RTN3: variants seen among roughly 807,000 people sequenced by gnomAD.
RTN3 encodes the protein reticulon 3.
In RTN3, 49 loss-of-function variants were observed where a neutral mutation model predicts 77.8. That is an observed-to-expected ratio of 0.63 (90% confidence interval 0.50 to 0.80). RTN3 has a LOEUF of 0.80. RTN3 is among the 30% of genes least tolerant of loss of function. The probability of loss-of-function intolerance (pLI) is 0.00; values close to 1 mark genes in which losing one functional copy is unlikely to be tolerated. For synonymous variants in RTN3, 464 were observed against 446.9 expected (o/e 1.04, Z -0.48); for missense variants, 1,236 against 1,211.9 (o/e 1.02, Z -0.29).
At chr11:63,694,182 T>G (rs1304171338) in intron 1 of RTN3, among the ~76,000 whole-genome samples, 1 of 152,002 alleles carries the variant, frequency 6.6e-6, no homozygotes. Context: ...AATTATGGTT[T>G]TTTTTTTTTC....
intron 3 of RTN3, among the ~76,000 whole-genome samples, chr11:63,735,551 T>TCTCTCTCTCTCG (rs2013039631): frequency 4.1e-5 from 2 of 48,268 alleles, no homozygotes; most frequent in Non-Finnish European, 8.0e-5. Flanking sequence ...TTCTAACATT[T>TCTCTCTCTCTCG]CTCTCTCTCT....
At chr11:63,745,759 T>A (rs2013758094) in intron 3 of RTN3, among the ~76,000 whole-genome samples, 2 of 152,152 alleles carry the variant, frequency 1.3e-5, no homozygotes, top group Non-Finnish European at 2.9e-5. Flanking sequence ...TCTTATGAGT[T>A]TTCCAGCAGA....
chr11:63,722,885 A>G (rs1489108649), intron 3 of RTN3, among the ~76,000 whole-genome samples: 1 of 152,156 alleles, frequency 6.6e-6, no homozygotes, highest in Non-Finnish European at 1.5e-5. Flanking sequence ...TTTCTTCCTC[A>G]GTTGTCATAA....
intron 2 of RTN3, among the ~76,000 whole-genome samples, chr11:63,708,084 G>T (rs775533598): frequency 8.6e-5 from 13 of 152,040 alleles, no homozygotes; most frequent in Non-Finnish European, 1.6e-4. Context: ...TAAAAATAAG[G>T]GAAGAGGAAG....
At chr11:63,739,791 A>T (rs2013351037) in intron 3 of RTN3, among the ~76,000 whole-genome samples, 1 of 152,230 alleles carries the variant, frequency 6.6e-6, no homozygotes, top group Non-Finnish European at 1.5e-5. Context: ...AAGACTCTTA[A>T]TCAAAAGACT....
At chr11:63,682,089 T>C (rs1485086605) in intron 1 of RTN3, among the ~76,000 whole-genome samples, 4 of 152,272 alleles carry the variant, frequency 2.6e-5, no homozygotes, top group African/African-American at 9.6e-5. Context: ...AGTTGCTCGA[T>C]GCATATGGTG....
intron 3 of RTN3, among the ~76,000 whole-genome samples, chr11:63,726,766 C>T (rs1485333542): frequency 6.6e-6 from 1 of 150,794 alleles, no homozygotes; most frequent in East Asian, 1.9e-4. Context: ...GTGGCTGAGG[C>T]AGGAGAATCG....
At chr11:63,697,424 G>A (rs1310972921) in intron 1 of RTN3, among the ~76,000 whole-genome samples, 6 of 151,560 alleles carry the variant, frequency 4.0e-5, no homozygotes, top group Non-Finnish European at 8.8e-5. Flanking sequence ...TCCTGCCTCA[G>A]CCTCCCAAGT....
intron 1 of RTN3, among the ~76,000 whole-genome samples, chr11:63,697,552 T>C (rs1425959440): frequency 6.6e-6 from 1 of 152,068 alleles, no homozygotes; most frequent in African/African-American, 2.4e-5. Flanking sequence ...ACTGGCTCAC[T>C]GCAACCTCTG....
In RTN3 at chr11:63,696,534, C is replaced by G. The variant is rs1013236077; in HGVS notation, c.143-8317C>G. On this transcript the variant is annotated intron_variant, in intron 1 of 8. Transcript: ENST00000377819. ...ACCAGCTTGGATAACATAGTGGGGCCCTGTCACTATTTTTTTTTTTTTTTT... is the reference window on the plus strand; with the variant it reads ...ACCAGCTTGGATAACATAGTGGGGCGCTGTCACTATTTTTTTTTTTTTTTT... Among the ~76,000 whole-genome samples the G allele has an allele frequency of 2.7e-5, 4 of 146,246 alleles. No individual in the cohort carries two copies. In the Admixed American group the frequency reaches 2.9e-4, roughly 11 times the overall value.
intron 1 of RTN3, among the ~76,000 whole-genome samples, chr11:63,689,847 C>A (rs971948386): frequency 2.6e-5 from 4 of 151,694 alleles, no homozygotes; most frequent in African/African-American, 9.7e-5. Flanking sequence ...AACCTCCGCC[C>A]CCCGGGTTCA....
At chr11:63,688,001 A>C (rs1202985050) in intron 1 of RTN3, among the ~76,000 whole-genome samples, 1 of 152,178 alleles carries the variant, frequency 6.6e-6, no homozygotes, top group East Asian at 1.9e-4. Flanking sequence ...AAAGAGGTAG[A>C]GGGAGGAGTC....
At chr11:63,757,631 TTACA>T (rs2135073783) in intron 8 of RTN3, among the ~76,000 whole-genome samples, 1 of 152,324 alleles carries the variant, frequency 6.6e-6, no homozygotes. Flanking sequence ...AGTGCTGAGA[TTACA>T]GGCATGAGCC....
intron 1 of RTN3, among the ~76,000 whole-genome samples, chr11:63,693,360 GTA>G (rs1302834698): frequency 1.3e-5 from 2 of 151,970 alleles, no homozygotes; most frequent in African/African-American, 4.8e-5. Context: ...GCACATGCCT[GTA>G]ATCCCAGCTA....
chr11:63,721,531 C>T (rs113272515), intron 3 of RTN3, among the ~76,000 whole-genome samples: 1,668 of 148,780 alleles, frequency 0.011, 33 homozygotes, highest in African/African-American at 0.038. Flanking sequence ...GATGAGATCG[C>T]GCCAGTACAC....
At position 63,719,493 on chromosome 11, in the gene RTN3, G is replaced by T. The variant is rs759892203; in HGVS notation, c.991G>T (p.Asp331Tyr). ...ALEEVSRCVN[D>Y]MHNFTNEILT... ...GGAAGAGGTGTCCAGATGCGTGAATGATATGCATAACTTTACTAACGAAAT... is the reference window on the plus strand; with the variant it reads ...GGAAGAGGTGTCCAGATGCGTGAATTATATGCATAACTTTACTAACGAAAT... The change falls in exon 3 of 9, where the codon GAT becomes TAT. Residue 331 changes from aspartate to tyrosine, a missense_variant. This residue lies in a region of RTN3 where 1,056 missense variants were observed against 990.4 expected (regional missense o/e 1.07). Transcript: ENST00000377819. 6.2e-7 allele frequency: 1 copy of T among 1,614,190 alleles called. No individual in the cohort carries two copies. The highest frequency in any genetic ancestry group is 8.5e-7 in the Non-Finnish European group (1 of 1,180,022).
intron 2 of RTN3, chr11:63,714,038 C>T (rs113783446): frequency 1.9e-6 from 1 of 518,604 alleles, no homozygotes. Context: ...CTTTGCTTAT[C>T]GGAGCTGTTC....
rs1941040806 is a variant in RTN3 at position 63,681,607 on chromosome 11, C to G, written c.-30C>G. On this transcript the variant is annotated 5_prime_UTR_variant, in exon 1 of 9. Coordinates refer to ENST00000377819, the MANE Select transcript of RTN3 (RefSeq NM_001265589.2). ...CTCTCTCCCGCCCCGTATCTCTTTT[C>G]ACCCTTCTCCCACCCTCGCTCGCGT... 6.4e-7 allele frequency: 1 copy of G among 1,566,986 alleles called. No individual in the cohort carries two copies. Among genetic ancestry groups the G allele is most frequent in the African/African-American group, 1.4e-5 (1 of 72,396 alleles).
In RTN3 at chr11:63,718,993, A is replaced by G; in HGVS notation, c.491A>G (p.Glu164Gly). 1.2e-6 allele frequency: 2 copies of G among 1,614,176 alleles called. No homozygotes were observed. The highest frequency in any genetic ancestry group is 4.5e-5 in the East Asian group (2 of 44,870). ...CCTTCTATTCCAGCCAGTTTCCCAGAGCATCCTGCTTTTCTCTCAAAGAAA... is the reference window on the plus strand; with the variant it reads ...CCTTCTATTCCAGCCAGTTTCCCAGGGCATCCTGCTTTTCTCTCAAAGAAA... ...DRPSIPASFP[E>G]HPAFLSKKIG... is the part of the protein sequence containing the mutation. The change falls in exon 3 of 9, where the codon GAG (glutamate) becomes GGG (glycine). Residue 164 changes from glutamate to glycine, a missense_variant. Glu to Gly is a moderately conservative substitution (Grantham distance 98). Around this residue, in one of 3 missense-constraint regions of RTN3, gnomAD observed 1,056 missense variants for 990.4 expected, o/e 1.07. Transcript: ENST00000377819.
Sources: gnomAD v4.1 joint callset for allele counts (sites outside exome capture counted in the v4.1 genomes callset) on GRCh38, gnomAD v4.1.1 for gene constraint, gnomAD v4.1.1 regional missense constraint, MANE v1.5 for transcripts, NCBI Gene and HGNC (gene_info 2026-07-23, HGNC 2026-07-21) for gene names.